The following DNAJC1 variants were observed in gnomAD, a reference collection of about 807,000 sequenced individuals.
DNAJC1 encodes DnaJ heat shock protein family (Hsp40) member C1, also known as dnaJ homolog subfamily C member 1.
In DNAJC1, 58 loss-of-function variants were observed where a neutral mutation model predicts 76.6. The observed-to-expected ratio is 0.76, with a 90% CI of 0.61 to 0.94. The LOEUF (loss-of-function observed/expected upper bound fraction) is 0.94. Among genes scored for constraint, DNAJC1 ranks in the 40% least tolerant of loss-of-function variants. The pLI is 0.00. For missense variants in DNAJC1, 689 were observed against 677.3 expected, an observed-to-expected ratio of 1.02 and a Z score of -0.19; for synonymous variants, 258 against 267.9, an observed-to-expected ratio of 0.96 and a Z score of 0.36.
At position 21,882,533 on chromosome 10, in the gene DNAJC1, C is replaced by T. The variant is rs1836299573; in HGVS notation, c.821-94G>A. 17 of 802,612 alleles carry T rather than the reference C, an allele frequency of 2.1e-5. No individual in the cohort carries two copies. The South Asian group carries it at 3.7e-4, about 17-fold the overall frequency. The allele number at this position is 802,612 out of a possible 1,614,324, so 49.7% of individuals were successfully genotyped here. A position where few individuals can be genotyped will look rare whatever the true frequency, so the allele number is the denominator to read the frequency against. On this transcript the variant is annotated intron_variant, in intron 7 of 11. Transcript: ENST00000376980. ...TCATAGACCATATCCTGAAAGAAAA[C>T]ATCAAAATATAATTGTTCTGTTATA...
chr10:21,883,502 C>T (rs1440954255), intron 7 of DNAJC1, among the ~76,000 whole-genome samples: 2 of 152,152 alleles, frequency 1.3e-5, no homozygotes, highest in African/African-American at 4.8e-5. Context: ...TCTGTAAATA[C>T]CAATGCTTGT....
Position 21,872,304 on chromosome 10 carries a change from C to T in DNAJC1, c.978+9978G>A, listed in dbSNP as rs140045807. Among the ~76,000 whole-genome samples, 482 of 152,016 alleles carry T rather than the reference C, an allele frequency of 3.2e-3. 4 individuals are homozygous for T. Among genetic ancestry groups the T allele is most frequent in the African/African-American group, 0.011 (443 of 41,478 alleles). On this transcript the variant is annotated intron_variant, in intron 8 of 11. Transcript: ENST00000376980. ...AGGCTGGTCTCAAACGCCTGACCTC[C>T]GGTGATCTGCCTGCCTCGGCCTCCC...
At chr10:21,837,205 A>G (rs1835476193) in intron 8 of DNAJC1, among the ~76,000 whole-genome samples, 1 of 152,036 alleles carries the variant, frequency 6.6e-6, no homozygotes, top group South Asian at 2.1e-4. Flanking sequence ...AGTCTCGTTC[A>G]CTCAGTGCTC....
chr10:21,934,069 C>T (rs930850920), intron 1 of DNAJC1, among the ~76,000 whole-genome samples: 4 of 151,850 alleles, frequency 2.6e-5, no homozygotes, highest in African/African-American at 9.7e-5. Flanking sequence ...TCAGAAGGGG[C>T]ATTGTTATAA....
intron 8 of DNAJC1, among the ~76,000 whole-genome samples, chr10:21,839,091 A>T (rs1397424481): frequency 3.3e-5 from 5 of 152,224 alleles, no homozygotes; most frequent in Non-Finnish European, 5.9e-5. Context: ...TCTGGGACAC[A>T]TTCAAAGCAG....
At chr10:21,910,481 GT>G (rs1345504873) in intron 6 of DNAJC1, among the ~76,000 whole-genome samples, 1 of 151,988 alleles carries the variant, frequency 6.6e-6, no homozygotes, top group African/African-American at 2.4e-5. Flanking sequence ...TAATGTTTTG[GT>G]TCACTTTTAT....
At chr10:21,797,593 A>G (rs2036452089) in intron 9 of DNAJC1, among the ~76,000 whole-genome samples, 1 of 152,182 alleles carries the variant, frequency 6.6e-6, no homozygotes, top group South Asian at 2.1e-4. Flanking sequence ...AAGTGTTGAG[A>G]GGTGGGACCT....
intron 8 of DNAJC1, among the ~76,000 whole-genome samples, chr10:21,840,355 A>G (rs921702627): frequency 6.6e-6 from 1 of 152,198 alleles, no homozygotes; most frequent in Non-Finnish European, 1.5e-5. Context: ...AGAAAACCCC[A>G]TCGTCTCGGC....
intron 7 of DNAJC1, among the ~76,000 whole-genome samples, chr10:21,896,405 C>T (rs1836543335): frequency 1.3e-5 from 2 of 152,192 alleles, no homozygotes; most frequent in African/African-American, 2.4e-5. Flanking sequence ...TGGTGCTTGC[C>T]ATATTGGGTT....
intron 1 of DNAJC1, among the ~76,000 whole-genome samples, chr10:21,967,964 C>A (rs1295536929): frequency 6.6e-6 from 1 of 152,224 alleles, no homozygotes; most frequent in East Asian, 1.9e-4. Flanking sequence ...TATATCTATA[C>A]AACTTATTAA....
At chr10:21,843,053 G>T (rs1564805507) in intron 8 of DNAJC1, among the ~76,000 whole-genome samples, 1 of 152,136 alleles carries the variant, frequency 6.6e-6, no homozygotes, top group African/African-American at 2.4e-5. Flanking sequence ...ACCTAGGATG[G>T]TGTGCATATA....
At chr10:21,969,909 A>G (rs796957026) in intron 1 of DNAJC1, among the ~76,000 whole-genome samples, 34 of 152,254 alleles carry the variant, frequency 2.2e-4, no homozygotes, top group African/African-American at 7.7e-4. Context: ...CCATTTTGTC[A>G]CTTGGCACTT....
At chr10:22,000,329 A>T (rs1838498717) in intron 1 of DNAJC1, among the ~76,000 whole-genome samples, 1 of 152,170 alleles carries the variant, frequency 6.6e-6, no homozygotes, top group Admixed American at 6.5e-5. Flanking sequence ...AATTCAAGTC[A>T]AATCATGTAT....
chr10:21,780,352 T>C (rs1402009850), intron 9 of DNAJC1, among the ~76,000 whole-genome samples: 5 of 152,312 alleles, frequency 3.3e-5, no homozygotes, highest in Admixed American at 6.5e-5. Flanking sequence ...AGAGAAAGGT[T>C]GGGTTACCCA....
intron 10 of DNAJC1, among the ~76,000 whole-genome samples, chr10:21,763,568 T>G (rs78331150): frequency 1.3e-5 from 2 of 150,658 alleles, no homozygotes; most frequent in Non-Finnish European, 3.0e-5. Context: ...GCAGGTTGTT[T>G]TTTTTTTTTT....
intron 7 of DNAJC1, among the ~76,000 whole-genome samples, chr10:21,892,465 G>A (rs1402533120): frequency 6.6e-6 from 1 of 151,564 alleles, no homozygotes; most frequent in Non-Finnish European, 1.5e-5. Flanking sequence ...AAATGATAGA[G>A]AGAAATAATA....
chr10:21,851,879 C>G (rs1162629770), intron 8 of DNAJC1, among the ~76,000 whole-genome samples: 1 of 151,682 alleles, frequency 6.6e-6, no homozygotes, highest in Non-Finnish European at 1.5e-5. Context: ...ACAGTGAAAC[C>G]CCATCTCTAC....
intron 8 of DNAJC1, among the ~76,000 whole-genome samples, chr10:21,850,698 G>A (rs748827144): frequency 1.1e-4 from 17 of 151,868 alleles, no homozygotes; most frequent in Non-Finnish European, 2.4e-4. Flanking sequence ...AAAATCTCAA[G>A]GAACCCTAAA....
chr10:21,994,619 T>G (rs1296928705), intron 1 of DNAJC1, among the ~76,000 whole-genome samples: 1 of 151,886 alleles, frequency 6.6e-6, no homozygotes, highest in Non-Finnish European at 1.5e-5. Flanking sequence ...AAACCCCGTC[T>G]CCACTAAAAA....
Sources: allele counts gnomAD v4.1 joint callset (sites outside exome capture counted in the v4.1 genomes callset), GRCh38; gene constraint gnomAD v4.1.1; transcripts MANE v1.5; gene names NCBI Gene and HGNC (gene_info 2026-07-23, HGNC 2026-07-21).